The following LRRTM4 variants were observed in gnomAD, a reference collection of about 807,000 sequenced individuals.
LRRTM4 encodes leucine rich repeat transmembrane neuronal 4, also known as leucine-rich repeat transmembrane neuronal protein 4.
A neutral mutation model predicts 47.6 loss-of-function variants in LRRTM4; 25 were observed. The ratio of observed to expected loss-of-function variants is 0.53; its 90% CI spans 0.38 to 0.73. The LOEUF is 0.73. LRRTM4 is among the 30% of genes least tolerant of loss of function. The pLI, the probability that LRRTM4 is intolerant of heterozygous loss-of-function variation, is 0.00. For synonymous variants in LRRTM4, 311 were observed against 269.5 expected, an observed-to-expected ratio of 1.15 and a Z score of -1.51; for missense variants, 638 against 713.4, an observed-to-expected ratio of 0.89 and a Z score of 1.20.
intron 3 of LRRTM4, among the ~76,000 whole-genome samples, chr2:77,064,820 CT>C (rs1679902066): frequency 6.6e-6 from 1 of 152,018 alleles, no homozygotes; most frequent in Admixed American, 6.6e-5. Context: ...CTGGGCCGTG[CT>C]TTTTTCGTAC....
At chr2:77,425,007 T>G (rs913043495) in intron 3 of LRRTM4, among the ~76,000 whole-genome samples, 5 of 152,176 alleles carry the variant, frequency 3.3e-5, no homozygotes, top group Admixed American at 3.3e-4. Context: ...CGGCAGACTC[T>G]TGAGGATGAT....
intron 3 of LRRTM4, among the ~76,000 whole-genome samples, chr2:76,811,494 C>T (rs1168965442): frequency 6.6e-6 from 1 of 152,152 alleles, no homozygotes; most frequent in Non-Finnish European, 1.5e-5. Context: ...AGACCATCGC[C>T]TCTACTCTAC....
At chr2:77,298,952 C>T (rs2104155446) in intron 3 of LRRTM4, among the ~76,000 whole-genome samples, 1 of 152,136 alleles carries the variant, frequency 6.6e-6, no homozygotes, top group South Asian at 2.1e-4. Flanking sequence ...CTATGAGAAA[C>T]ACTTAAGATA....
intron 3 of LRRTM4, among the ~76,000 whole-genome samples, chr2:76,869,721 G>A (rs913382029): frequency 2.0e-5 from 3 of 151,958 alleles, no homozygotes; most frequent in African/African-American, 4.8e-5. Context: ...ACTTAACCTC[G>A]AAAATAGGAT....
intron 3 of LRRTM4, among the ~76,000 whole-genome samples, chr2:77,328,737 TAACTC>T (rs1014937666): frequency 1.2e-4 from 18 of 152,346 alleles, no homozygotes; most frequent in Middle Eastern, 6.8e-3. Context: ...ACTCTTCACA[TAACTC>T]AGCAGGTGAT....
chr2:76,905,361 A>T (rs1673791683), intron 3 of LRRTM4, among the ~76,000 whole-genome samples: 1 of 152,160 alleles, frequency 6.6e-6, no homozygotes, highest in Non-Finnish European at 1.5e-5. Context: ...CATCACCATC[A>T]TCAAAGACCA....
intron 3 of LRRTM4, among the ~76,000 whole-genome samples, chr2:76,810,782 T>G (rs1450514185): frequency 6.6e-6 from 1 of 152,192 alleles, no homozygotes; most frequent in Non-Finnish European, 1.5e-5. Flanking sequence ...TTGAAATCAT[T>G]GGCTAAACAA....
At chr2:76,850,734 T>C (rs532892982) in intron 3 of LRRTM4, among the ~76,000 whole-genome samples, 2 of 152,318 alleles carry the variant, frequency 1.3e-5, no homozygotes, top group East Asian at 3.9e-4. Context: ...TTCACACATG[T>C]GCTTCATAGC....
At chr2:77,264,742 C>A (rs549766081) in intron 3 of LRRTM4, among the ~76,000 whole-genome samples, 2 of 152,144 alleles carry the variant, frequency 1.3e-5, no homozygotes, top group African/African-American at 4.8e-5. Context: ...TTCAAACCAA[C>A]CCTAAAATGA....
In LRRTM4 at chr2:77,268,287, C is replaced by T. The variant is rs116580822; in HGVS notation, c.1551+250031G>A. Among the ~76,000 whole-genome samples the T allele has an allele frequency of 6.9e-3, 1,044 of 152,254 alleles. 15 individuals are homozygous for T. The highest frequency in any genetic ancestry group is 0.023 in the African/African-American group (962 of 41,548). ...TTCATTCCCTTCAACTCCAGCTTGG[C>T]CCTTTTCCAGGAATCTTCTTCACTG... On this transcript the variant is annotated intron_variant, in intron 3 of 3. Coordinates refer to ENST00000409884, the MANE Select transcript of LRRTM4 (RefSeq NM_001134745.3).
At chr2:77,160,422 T>C (rs1672680176) in intron 3 of LRRTM4, among the ~76,000 whole-genome samples, 1 of 152,196 alleles carries the variant, frequency 6.6e-6, no homozygotes, top group African/African-American at 2.4e-5. Flanking sequence ...AGATGCTGTG[T>C]TTGGGGGCAT....
At chr2:77,237,179 T>C (rs1450441174) in intron 3 of LRRTM4, among the ~76,000 whole-genome samples, 1 of 151,716 alleles carries the variant, frequency 6.6e-6, no homozygotes, top group Non-Finnish European at 1.5e-5. Flanking sequence ...TTTTTTTTTT[T>C]TTGGTTGCTA....
At chr2:77,279,527 C>T (rs1676451315) in intron 3 of LRRTM4, among the ~76,000 whole-genome samples, 1 of 151,876 alleles carries the variant, frequency 6.6e-6, no homozygotes, top group African/African-American at 2.4e-5. Context: ...CATTATAAAA[C>T]TATGGGATAA....
chr2:77,036,130 A>T (rs986805886), intron 3 of LRRTM4, among the ~76,000 whole-genome samples: 1 of 151,972 alleles, frequency 6.6e-6, no homozygotes, highest in Admixed American at 6.6e-5. Context: ...TGCAGACATA[A>T]TGTAGACCAC....
At chr2:76,884,468 A>G (rs1001128113) in intron 3 of LRRTM4, among the ~76,000 whole-genome samples, 1 of 152,176 alleles carries the variant, frequency 6.6e-6, no homozygotes, top group African/African-American at 2.4e-5. Flanking sequence ...GCAAACTATA[A>G]TTACATGTAA....
intron 3 of LRRTM4, among the ~76,000 whole-genome samples, chr2:77,026,874 G>A (rs1238094763): frequency 6.6e-6 from 1 of 152,062 alleles, no homozygotes; most frequent in Non-Finnish European, 1.5e-5. Context: ...AGTATTAAAT[G>A]TGTCTATGAA....
Position 77,199,186 on chromosome 2 carries a change from A to T in LRRTM4, c.1551+319132T>A, listed in dbSNP as rs371027422. 1.5e-3 allele frequency among the ~76,000 whole-genome samples: 225 copies of T among 152,306 alleles called. 1 individual carries two copies. The highest frequency in any genetic ancestry group is 5.0e-3 in the African/African-American group (208 of 41,578). ...CTGAACACATTTAGCTAAAACACAGACTTCAATCTTAATAACAGTATTTAA... is the reference window on the plus strand; with the variant it reads ...CTGAACACATTTAGCTAAAACACAGTCTTCAATCTTAATAACAGTATTTAA... On this transcript the variant is annotated intron_variant, in intron 3 of 3. Transcript: ENST00000409884.
intron 3 of LRRTM4, among the ~76,000 whole-genome samples, chr2:77,487,260 C>T (rs1210721012): frequency 6.6e-6 from 1 of 152,188 alleles, no homozygotes; most frequent in Admixed American, 6.5e-5. Context: ...TGGACCTGTG[C>T]ATCCCTGTGC....
intron 3 of LRRTM4, among the ~76,000 whole-genome samples, chr2:77,042,581 T>C (rs1679070223): frequency 6.6e-6 from 1 of 151,736 alleles, no homozygotes; most frequent in African/African-American, 2.4e-5. Context: ...ATATGGGGTC[T>C]ATTTTTGTAC....
Sources: allele counts gnomAD v4.1 joint callset (sites outside exome capture counted in the v4.1 genomes callset), GRCh38; gene constraint gnomAD v4.1.1; transcripts MANE v1.5; gene names NCBI Gene and HGNC (gene_info 2026-07-23, HGNC 2026-07-21).